Variants in PDGFC observed in about 807,000 individuals in gnomAD.
PDGFC encodes the protein platelet derived growth factor C, also known as platelet-derived growth factor C.
In PDGFC, 12 loss-of-function variants were observed where a neutral mutation model predicts 35.5. The observed-to-expected ratio is 0.34, with a 90% CI of 0.22 to 0.55. The LOEUF (loss-of-function observed/expected upper bound fraction) is 0.55, where lower values mean the gene tolerates loss of function less well. Ranked by LOEUF, PDGFC falls within the 20% of genes least tolerant of loss-of-function variation. The pLI, the probability that PDGFC is intolerant of heterozygous loss-of-function variation, is 0.91. For missense variants in PDGFC, 322 were observed against 412.4 expected (o/e 0.78, Z 1.90); for synonymous variants, 159 against 148.8 (o/e 1.07, Z -0.50).
At chr4:156,844,645 C>T (rs1267428504) in intron 2 of PDGFC, among the ~76,000 whole-genome samples, 2 of 150,974 alleles carry the variant, frequency 1.3e-5, no homozygotes, top group Non-Finnish European at 2.9e-5. Context: ...GAAAGAATGC[C>T]GGACAAAAAT....
intron 1 of PDGFC, among the ~76,000 whole-genome samples, chr4:156,884,684 T>C (rs905231381): frequency 6.6e-6 from 1 of 152,252 alleles, no homozygotes; most frequent in Admixed American, 6.5e-5. Flanking sequence ...ACTGATTTGC[T>C]AATTGTTTTC....
intron 1 of PDGFC, among the ~76,000 whole-genome samples, chr4:156,929,468 A>G (rs1184574336): frequency 6.6e-6 from 1 of 151,952 alleles, no homozygotes; most frequent in Non-Finnish European, 1.5e-5. Flanking sequence ...TAGCAAAAAA[A>G]AAAAAAGGCC....
intron 3 of PDGFC, among the ~76,000 whole-genome samples, chr4:156,790,229 TG>T (rs1731257351): frequency 6.6e-6 from 1 of 152,194 alleles, no homozygotes; most frequent in Admixed American, 6.5e-5. Flanking sequence ...TGCACATAAT[TG>T]TATCTTAAAA....
At chr4:156,868,569 C>A (rs930152172) in intron 1 of PDGFC, among the ~76,000 whole-genome samples, 1 of 152,204 alleles carries the variant, frequency 6.6e-6, no homozygotes, top group Admixed American at 6.5e-5. Flanking sequence ...AAATTCGAAG[C>A]ATACTATCTT....
At chr4:156,966,687 C>T (rs1732474249) in intron 1 of PDGFC, among the ~76,000 whole-genome samples, 1 of 151,980 alleles carries the variant, frequency 6.6e-6, no homozygotes, top group Non-Finnish European at 1.5e-5. Context: ...GGCTTCCGTG[C>T]CTGAGACAGA....
At chr4:156,931,739 T>A (rs1731554284) in intron 1 of PDGFC, among the ~76,000 whole-genome samples, 1 of 152,200 alleles carries the variant, frequency 6.6e-6, no homozygotes, top group African/African-American at 2.4e-5. Context: ...GTGGAGATAT[T>A]TATTCAGAAT....
chr4:156,930,563 C>CAATTATTA (rs1731525966), intron 1 of PDGFC, among the ~76,000 whole-genome samples: 1 of 152,138 alleles, frequency 6.6e-6, no homozygotes, highest in African/African-American at 2.4e-5. Flanking sequence ...ATACTCAAGA[C>CAATTATTA]AATTATTAAG....
In PDGFC at chr4:156,772,681, C is replaced by T. The variant is rs1185887974; in HGVS notation, c.703+5G>A. On this transcript the variant is annotated splice_donor_5th_base_variant and intron_variant, in intron 4 of 5. Transcript: ENST00000502773. The stretch of plus-strand genomic sequence containing the variant: ...ATGAGGTTCTAATCTGAAGAGGGAG[C>T]TTACCTCTGGATTTTCTTCCAAAAA... The T allele has an allele frequency of 2.5e-6, 4 of 1,597,726 alleles. No individual in the cohort carries two copies. The highest frequency in any genetic ancestry group is 3.4e-6 in the Non-Finnish European group (4 of 1,165,796).
intron 1 of PDGFC, among the ~76,000 whole-genome samples, chr4:156,936,110 C>G (rs538522462): frequency 1.3e-5 from 2 of 152,270 alleles, no homozygotes; most frequent in South Asian, 4.1e-4. Context: ...TCAGAAAATA[C>G]TAAAAACACC....
chr4:156,921,596 C>G (rs1731282973), intron 1 of PDGFC, among the ~76,000 whole-genome samples: 1 of 152,002 alleles, frequency 6.6e-6, no homozygotes. Context: ...CCTGGGTGAT[C>G]AAGCCAAGAC....
intron 1 of PDGFC, among the ~76,000 whole-genome samples, chr4:156,964,755 C>T (rs1205290035): frequency 1.3e-5 from 2 of 152,104 alleles, no homozygotes; most frequent in Non-Finnish European, 2.9e-5. Context: ...TTGACAAAGT[C>T]AAGTCAACTT....
chr4:156,934,645 C>T (rs1731633232), intron 1 of PDGFC, among the ~76,000 whole-genome samples: 1 of 152,144 alleles, frequency 6.6e-6, no homozygotes, highest in South Asian at 2.1e-4. Context: ...GACTCTTTTG[C>T]AATAACATTT....
At chr4:156,832,337 A>G (rs894409516) in intron 2 of PDGFC, among the ~76,000 whole-genome samples, 5 of 147,670 alleles carry the variant, frequency 3.4e-5, no homozygotes, top group Admixed American at 2.7e-4. Context: ...GCTCACCACA[A>G]TCTCCGCCTC....
chr4:156,952,147 C>G (rs1227915369), intron 1 of PDGFC, among the ~76,000 whole-genome samples: 1 of 151,696 alleles, frequency 6.6e-6, no homozygotes, highest in Non-Finnish European at 1.5e-5. Flanking sequence ...TTCAAATAAT[C>G]AAAACTGTAT....
At position 156,803,968 on chromosome 4, in the gene PDGFC, C is replaced by T. The variant is rs530435636; in HGVS notation, c.495+6869G>A. ...AGTTCTGTGGGTAACAGACACTGAC[C>T]GTTGACAAAATTGATAGTCTTTAAT... On this transcript the variant is annotated intron_variant, in intron 3 of 5. Transcript: ENST00000502773. 3.3e-5 allele frequency among the ~76,000 whole-genome samples: 5 copies of T among 152,028 alleles called. No homozygotes were observed. In the South Asian group the frequency reaches 1.0e-3, roughly 32 times the overall value.
At chr4:156,922,155 AGTGTGTGTGT>A (rs3070262) in intron 1 of PDGFC, among the ~76,000 whole-genome samples, 1,638 of 145,370 alleles carry the variant, frequency 0.011, 26 homozygotes, top group African/African-American at 0.039. Flanking sequence ...AAGGATTCAT[AGTGTGTGTGT>A]GTGTGTGTGT....
intron 2 of PDGFC, among the ~76,000 whole-genome samples, chr4:156,842,678 C>A (rs1729234084): frequency 6.6e-6 from 1 of 152,166 alleles, no homozygotes; most frequent in Admixed American, 6.5e-5. Flanking sequence ...CCATTACACA[C>A]CCACCACTTA....
chr4:156,825,033 G>C (rs1732402701), intron 2 of PDGFC, among the ~76,000 whole-genome samples: 1 of 152,106 alleles, frequency 6.6e-6, no homozygotes, highest in Non-Finnish European at 1.5e-5. Flanking sequence ...AAAGAAATTT[G>C]AGAAACTAAA....
intron 2 of PDGFC, among the ~76,000 whole-genome samples, chr4:156,815,386 C>T (rs1406371188): frequency 6.7e-6 from 1 of 150,230 alleles, no homozygotes; most frequent in Non-Finnish European, 1.5e-5. Flanking sequence ...CACTTCATTC[C>T]ATATTTCCTT....
Sources: allele counts gnomAD v4.1 joint callset (sites outside exome capture counted in the v4.1 genomes callset), GRCh38; gene constraint gnomAD v4.1.1; transcripts MANE v1.5; gene names NCBI Gene and HGNC (gene_info 2026-07-23, HGNC 2026-07-21).